Variants in CNOT6 observed in about 807,000 individuals in gnomAD.
CNOT6 encodes the protein CCR4-NOT transcription complex subunit 6.
A neutral mutation model predicts 61.2 loss-of-function variants in CNOT6; 12 were observed. The ratio of observed to expected loss-of-function variants is 0.20; its 90% CI spans 0.13 to 0.32. The LOEUF is 0.32. Among genes scored for constraint, CNOT6 ranks in the 10% least tolerant of loss-of-function variants. The pLI is 1.00. For missense variants in CNOT6, 405 were observed against 663.9 expected (o/e 0.61, Z 4.28); for synonymous variants, 225 against 240.6 (o/e 0.94, Z 0.60).
intron 11 of CNOT6, among the ~76,000 whole-genome samples, chr5:180,573,600 T>TGTCC (rs71765446): frequency 1.2e-4 from 3 of 25,006 alleles, no homozygotes; most frequent in African/African-American, 3.6e-4. Flanking sequence ...TGTGTGTGTG[T>TGTCC]GTCCGTCCGT....
intron 1 of CNOT6, among the ~76,000 whole-genome samples, chr5:180,516,470 G>A (rs994641848): frequency 5.3e-5 from 8 of 152,066 alleles, no homozygotes; most frequent in African/African-American, 1.9e-4. Context: ...GTGAGCCACC[G>A]CGCCCAGCTC....
intron 3 of CNOT6, among the ~76,000 whole-genome samples, chr5:180,552,316 T>A (rs1759646301): frequency 6.6e-6 from 1 of 152,000 alleles, no homozygotes; most frequent in South Asian, 2.1e-4. Context: ...AAACCAAAGA[T>A]TATAGAAATA....
intron 2 of CNOT6, among the ~76,000 whole-genome samples, chr5:180,544,086 C>A (rs967812375): frequency 2.0e-5 from 3 of 152,242 alleles, no homozygotes; most frequent in Non-Finnish European, 2.9e-5. Context: ...GCTGGGATTA[C>A]AGGCGTGAGC....
rs1177040096 is a variant in CNOT6 at position 180,577,489 on chromosome 5, C to G, written c.*3289C>G. 1 of 152,552 alleles carries G rather than the reference C, an allele frequency of 6.6e-6. No homozygotes were observed. The highest frequency in any genetic ancestry group is 2.4e-5 in the African/African-American group (1 of 41,406). 9.4% of individuals were successfully genotyped at this position (152,552 alleles called of 1,614,324 possible). A position where few individuals can be genotyped will look rare whatever the true frequency, so the allele number is the denominator to read the frequency against. On this transcript the variant is annotated 3_prime_UTR_variant, in exon 12 of 12. Coordinates refer to ENST00000261951, the MANE Select transcript of CNOT6 (RefSeq NM_001370472.1). ...ACAGCACCGTTTTTTCAGTGAAGCT[C>G]TCAGAATGTCCAGTACAGATGTTGC... is the stretch of plus-strand genomic sequence containing the variant.
In CNOT6 at chr5:180,564,543, G is replaced by T; in HGVS notation, c.440G>T (p.Arg147Ile). 6.2e-7 allele frequency: 1 copy of T among 1,614,030 alleles called. No homozygotes were observed. The highest frequency in any genetic ancestry group is 8.5e-7 in the Non-Finnish European group (1 of 1,179,942). The change falls in exon 5 of 12, where the codon AGA becomes ATA. Residue 147 changes from arginine (R) to isoleucine (I), a missense_variant. Around this residue, in one of 5 missense-constraint regions of CNOT6, gnomAD observed 212 missense variants for 307.1 expected, o/e 0.69. Transcript: ENST00000261951. ...CTTTATCAGGAACCAGATGGAACAA[G>T]ACGGCTGCTGAACTATTTGCTTGAT... is the stretch of plus-strand genomic sequence containing the variant. ...LNLYQEPDGT[R>I]RLLNYLLDNL...
intron 10 of CNOT6, among the ~76,000 whole-genome samples, chr5:180,570,120 G>T (rs1485695783): frequency 2.0e-5 from 3 of 152,122 alleles, no homozygotes; most frequent in Admixed American, 6.6e-5. Context: ...CACTTTGGGG[G>T]GCCCAGGTGG....
intron 1 of CNOT6, among the ~76,000 whole-genome samples, chr5:180,519,810 G>T (rs534717994): frequency 1.4e-5 from 2 of 141,892 alleles, no homozygotes; most frequent in African/African-American, 2.6e-5. Flanking sequence ...GTGTCAATAT[G>T]TTAAAATTTG....
intron 10 of CNOT6, among the ~76,000 whole-genome samples, chr5:180,569,807 G>C (rs1328574582): frequency 1.3e-5 from 2 of 152,180 alleles, no homozygotes; most frequent in African/African-American, 4.8e-5. Flanking sequence ...TATCAGTCAA[G>C]CGATTTTGAC....
chr5:180,518,577 G>A (rs1355611254), intron 1 of CNOT6, among the ~76,000 whole-genome samples: 2 of 152,158 alleles, frequency 1.3e-5, no homozygotes, highest in African/African-American at 4.8e-5. Flanking sequence ...GGAGTGCAGT[G>A]GTGTGATTGT....
chr5:180,512,466 G>A (rs1331150738), intron 1 of CNOT6, among the ~76,000 whole-genome samples: 2 of 152,206 alleles, frequency 1.3e-5, no homozygotes, highest in Non-Finnish European at 2.9e-5. Flanking sequence ...TCTCAACTGC[G>A]GAGTTTGAAT....
At chr5:180,543,927 C>T (rs1209089634) in intron 2 of CNOT6, among the ~76,000 whole-genome samples, 1 of 152,132 alleles carries the variant, frequency 6.6e-6, no homozygotes, top group Non-Finnish European at 1.5e-5. Context: ...TCTCCTGCTT[C>T]AGCCTCTCAA....
intron 2 of CNOT6, among the ~76,000 whole-genome samples, chr5:180,530,279 G>A (rs1017070811): frequency 6.6e-6 from 1 of 152,216 alleles, no homozygotes. Context: ...GCTGGCCCAC[G>A]TGCGTGGAAG....
At chr5:180,527,273 C>T (rs1420115817) in intron 1 of CNOT6, among the ~76,000 whole-genome samples, 2 of 152,156 alleles carry the variant, frequency 1.3e-5, no homozygotes, top group Admixed American at 1.3e-4. Context: ...CTGTACATTG[C>T]ATTTGATTGC....
chr5:180,495,521 C>T (rs190670391), intron 1 of CNOT6: 1 of 152,368 alleles, frequency 6.6e-6, no homozygotes, highest in Non-Finnish European at 1.5e-5. Flanking sequence ...CTGTTTTTAA[C>T]TGTTGTTGCC....
chr5:180,562,542 C>T lies in CNOT6; in HGVS notation c.386-1947C>T, dbSNP rs547493605. ...GATCACGAGGTCAGGAGATTGAGACCATCTTGGCTAATGCGGTGAAACCCT... is the reference window on the plus strand; with the variant it reads ...GATCACGAGGTCAGGAGATTGAGACTATCTTGGCTAATGCGGTGAAACCCT... On this transcript the variant is annotated intron_variant, in intron 4 of 11. Transcript: ENST00000261951. Among the ~76,000 whole-genome samples the T allele has an allele frequency of 6.8e-4, 104 of 152,094 alleles. 1 individual carries two copies. Among genetic ancestry groups the T allele is most frequent in the African/African-American group, 2.4e-3 (99 of 41,492 alleles).
At chr5:180,572,359 T>C (rs1314073263) in intron 11 of CNOT6, among the ~76,000 whole-genome samples, 1 of 152,026 alleles carries the variant, frequency 6.6e-6, no homozygotes, top group East Asian at 1.9e-4. Flanking sequence ...CTGGCTAATT[T>C]TTGTATCTTT....
intron 1 of CNOT6, among the ~76,000 whole-genome samples, chr5:180,503,814 C>T (rs1581465635): frequency 6.6e-6 from 1 of 151,666 alleles, no homozygotes; most frequent in East Asian, 2.0e-4. Flanking sequence ...CCATGTTGGT[C>T]AGGATGGTCT....
chr5:180,529,256 T>TA lies in CNOT6; in HGVS notation c.-2-19_-2-18insA. ...TTATTTGATTTTTTAGAATACTGAT[T>TA]GGTTTCTTTTCTTAACAGGCATGCC... On this transcript the variant is annotated intron_variant, in intron 1 of 11. Coordinates refer to ENST00000261951, the MANE Select transcript of CNOT6 (RefSeq NM_001370472.1). The TA allele has an allele frequency of 1.5e-6, 2 of 1,328,950 alleles. No homozygotes were observed. The highest frequency in any genetic ancestry group is 2.2e-6 in the Non-Finnish European group (2 of 927,468). 82.3% of individuals were successfully genotyped at this position (1,328,950 alleles called of 1,614,324 possible). A position where few individuals can be genotyped will look rare whatever the true frequency, so the allele number is the denominator to read the frequency against.
intron 2 of CNOT6, among the ~76,000 whole-genome samples, chr5:180,541,469 T>TG (rs70973935): frequency 4.8e-5 from 7 of 144,334 alleles, no homozygotes; most frequent in African/African-American, 1.6e-4. Flanking sequence ...TTTTTTTTTT[T>TG]GAGACAGAGT....
Sources: allele counts gnomAD v4.1 joint callset (sites outside exome capture counted in the v4.1 genomes callset), GRCh38; gene constraint gnomAD v4.1.1; regional missense constraint gnomAD v4.1.1; transcripts MANE v1.5; gene names NCBI Gene and HGNC (gene_info 2026-07-23, HGNC 2026-07-21).